Variants in MICAL2 observed in about 807,000 individuals in gnomAD.
MICAL2 encodes the protein microtubule associated monooxygenase, calponin and LIM domain containing 2.
In MICAL2, 77 loss-of-function variants were observed where a neutral mutation model predicts 127.3. The observed-to-expected ratio is 0.60, with a 90% CI of 0.50 to 0.73. The LOEUF is 0.73. MICAL2 is among the 30% of genes least tolerant of loss of function. The pLI is 0.00. For missense variants in MICAL2, 1,351 were observed against 1,434.4 expected, an observed-to-expected ratio of 0.94 and a Z score of 0.94; for synonymous variants, 570 against 551.1, an observed-to-expected ratio of 1.03 and a Z score of -0.48.
intron 3 of MICAL2, among the ~76,000 whole-genome samples, chr11:12,201,663 A>G (rs1304838371): frequency 1.3e-5 from 2 of 152,186 alleles, no homozygotes; most frequent in African/African-American, 4.8e-5. Context: ...TGCCGAATGT[A>G]GCTATCCTAG....
At chr11:12,163,501 T>C (rs1855095038) in intron 3 of MICAL2, among the ~76,000 whole-genome samples, 1 of 152,190 alleles carries the variant, frequency 6.6e-6, no homozygotes, top group Non-Finnish European at 1.5e-5. Flanking sequence ...TATGCTGCTT[T>C]CCACTGCCCC....
chr11:12,117,140 G>A lies in MICAL2; in HGVS notation c.-149+6414G>A, dbSNP rs547862692. 2.6e-5 allele frequency among the ~76,000 whole-genome samples: 4 copies of A among 152,364 alleles called. No homozygotes were observed. In the South Asian group the frequency reaches 8.3e-4, roughly 32 times the overall value. On this transcript the variant is annotated intron_variant, in intron 1 of 27. Coordinates refer to ENST00000683283, the MANE Select transcript of MICAL2 (RefSeq NM_001282663.2). The stretch of plus-strand genomic sequence containing the variant: ...TGAATTACAGAGGTAAGGGCAGGCA[G>A]AAGAACCGGAGCTGTGCTTCCTGCT...
At chr11:12,342,860 T>G (rs79167772) in intron 32 of MICAL2, among the ~76,000 whole-genome samples, 1 of 152,182 alleles carries the variant, frequency 6.6e-6, no homozygotes, top group Non-Finnish European at 1.5e-5. Flanking sequence ...CTTTGCTCTA[T>G]TGCATTTATA....
downstream of MICAL2, chr11:12,293,496 C>T (rs1451694893): frequency 1.3e-6 from 2 of 1,507,354 alleles, no homozygotes. Context: ...TTGAGATTTG[C>T]TTTCATCATA....
intron 23 of MICAL2, 57 bp downstream of exon 23, chr11:12,255,807 C>A: frequency 7.0e-7 from 1 of 1,419,564 alleles, no homozygotes; most frequent in South Asian, 1.2e-5. Context: ...CATCCCAGGG[C>A]GGGCACATGG....
chr11:12,208,753 A>G (rs1855052073), intron 5 of MICAL2, among the ~76,000 whole-genome samples: 1 of 152,230 alleles, frequency 6.6e-6, no homozygotes. Context: ...ATGCCTCTGC[A>G]TCTTACTTAT....
chr11:12,219,421 G>A (rs1856553176), intron 8 of MICAL2, among the ~76,000 whole-genome samples: 1 of 151,524 alleles, frequency 6.6e-6, no homozygotes, highest in African/African-American at 2.4e-5. Flanking sequence ...CAAGCTACTG[G>A]GGAGGCTGAG....
At chr11:12,267,437 C>T (rs926286779), downstream of MICAL2, among the ~76,000 whole-genome samples, 12 of 152,096 alleles carry the variant, frequency 7.9e-5, no homozygotes, top group South Asian at 2.1e-4. Flanking sequence ...TGACCTCACA[C>T]GAAATCCATT....
intron 34 of MICAL2, chr11:12,355,002 G>C: frequency 1.5e-6 from 1 of 688,394 alleles, no homozygotes; most frequent in Non-Finnish European, 2.4e-6. Context: ...CCTCCCACCA[G>C]CAGCACCACA....
chr11:12,264,483 C>T (rs980887770), downstream of MICAL2, among the ~76,000 whole-genome samples: 1 of 152,208 alleles, frequency 6.6e-6, no homozygotes, highest in Non-Finnish European at 1.5e-5. Context: ...ACTTGGCTAT[C>T]CTGGGCAGTG....
At chr11:12,262,251 T>C in intron 26 of MICAL2, 1 of 1,405,852 alleles carries the variant, frequency 7.1e-7, no homozygotes, top group East Asian at 2.6e-5. Context: ...GGGAGCAAGA[T>C]GCAAACTGTG....
chr11:12,159,026 G>C (rs1377869917), intron 2 of MICAL2, among the ~76,000 whole-genome samples: 1 of 152,198 alleles, frequency 6.6e-6, no homozygotes, highest in East Asian at 1.9e-4. Context: ...GCAAGTCTGA[G>C]CCTGGTACAG....
intron 3 of MICAL2, among the ~76,000 whole-genome samples, chr11:12,187,003 G>A (rs560682844): frequency 2.0e-5 from 3 of 152,216 alleles, no homozygotes; most frequent in Non-Finnish European, 4.4e-5. Context: ...TGTAGTCCCT[G>A]AGTGGTGAAT....
chr11:12,243,360 T>C (rs1486862067), intron 20 of MICAL2: 1 of 152,856 alleles, frequency 6.5e-6, no homozygotes. Context: ...GAAGAGCATG[T>C]GCTCAAGAGG....
At chr11:12,340,598 G>A (rs191735769) in intron 32 of MICAL2, among the ~76,000 whole-genome samples, 2 of 152,246 alleles carry the variant, frequency 1.3e-5, no homozygotes, top group Admixed American at 6.5e-5. Context: ...GCTCATAACA[G>A]CATCACTCAT....
At chr11:12,260,724 A>G in intron 26 of MICAL2, 1 of 985,560 alleles carries the variant, frequency 1.0e-6, no homozygotes, top group Non-Finnish European at 1.2e-6. Flanking sequence ...AGGGCAGAAT[A>G]GAATTCAACT....
chr11:12,209,567 T>C lies in MICAL2; in HGVS notation c.660T>C (p.Ile220=), dbSNP rs768824554. The C allele has an allele frequency of 1.2e-6, 2 of 1,614,188 alleles. No homozygotes were observed. The highest frequency in any genetic ancestry group is 1.1e-5 in the South Asian group (1 of 91,076). The change falls in exon 6 of 28, where the codon ATT becomes ATC. Residue 220 remains isoleucine, a synonymous_variant. Transcript: ENST00000683283. ...CGGAGTTTGAGTTTGACGTCATCAT[T>C]GGTGCCGATGGCCGCAGGAACACCC... is the stretch of plus-strand genomic sequence containing the variant. The part of the protein sequence containing the change: ...SLSEFEFDVI[I]GADGRRNTLE...
intron 6 of MICAL2, among the ~76,000 whole-genome samples, chr11:12,211,838 C>T (rs1311592216): frequency 6.6e-6 from 1 of 152,178 alleles, no homozygotes; most frequent in African/African-American, 2.4e-5. Context: ...CAGAAACGGT[C>T]CAATGGCGGC....
chr11:12,153,569 A>G (rs1435260188), intron 2 of MICAL2, among the ~76,000 whole-genome samples: 3 of 151,692 alleles, frequency 2.0e-5, no homozygotes, highest in African/African-American at 7.3e-5. Flanking sequence ...TCCTCAGTAG[A>G]TGGAATTACA....
Sources: allele counts gnomAD v4.1 joint callset (sites outside exome capture counted in the v4.1 genomes callset), GRCh38; gene constraint gnomAD v4.1.1; transcripts MANE v1.5; gene names NCBI Gene and HGNC (gene_info 2026-07-23, HGNC 2026-07-21).